Variants in ANO4 observed in about 807,000 individuals in gnomAD.
ANO4 encodes anoctamin 4.
In ANO4, 69 loss-of-function variants were observed where a neutral mutation model predicts 141.9. The ratio of observed to expected loss-of-function variants is 0.49; its 90% CI spans 0.40 to 0.59. ANO4 has a LOEUF of 0.59. ANO4 is among the 20% of genes least tolerant of loss of function. The pLI, the probability that ANO4 is intolerant of heterozygous loss-of-function variation, is 0.00. For synonymous variants in ANO4, 350 were observed against 394.3 expected, an observed-to-expected ratio of 0.89 and a Z score of 1.33; for missense variants, 894 against 1,162.2, an observed-to-expected ratio of 0.77 and a Z score of 3.36.
chr12:101,078,403 G>A (rs1470722353), intron 14 of ANO4, among the ~76,000 whole-genome samples: 6 of 152,074 alleles, frequency 3.9e-5, no homozygotes, highest in Non-Finnish European at 7.4e-5. Flanking sequence ...CAGCAGGAGT[G>A]TGTCTTATTT....
intron 3 of ANO4, among the ~76,000 whole-genome samples, chr12:100,755,550 T>C (rs1315767931): frequency 6.6e-6 from 1 of 152,242 alleles, no homozygotes; most frequent in Non-Finnish European, 1.5e-5. Context: ...ATGACTTGAT[T>C]ATTTAAGTCT....
At chr12:100,942,314 A>G (rs1335892848) in intron 4 of ANO4, 63 bp from the exon 5 acceptor site, 7 of 1,550,818 alleles carry the variant, frequency 4.5e-6, no homozygotes, top group Non-Finnish European at 6.1e-6. Context: ...GTTCTTTAAC[A>G]TTACTCACTT....
chr12:100,929,406 A>G (rs1225160340), intron 3 of ANO4, among the ~76,000 whole-genome samples: 4 of 152,130 alleles, frequency 2.6e-5, no homozygotes, highest in Non-Finnish European at 5.9e-5. Context: ...ACTTAACATA[A>G]TGACCTCCAG....
At chr12:100,856,335 G>A (rs1052267317) in intron 1 of ANO4, among the ~76,000 whole-genome samples, 3 of 152,076 alleles carry the variant, frequency 2.0e-5, no homozygotes, top group East Asian at 3.9e-4. Flanking sequence ...CAATTTCTAC[G>A]GAAATTAAGA....
intron 3 of ANO4, among the ~76,000 whole-genome samples, chr12:100,753,826 T>G (rs2032491425): frequency 6.6e-6 from 1 of 152,238 alleles, no homozygotes; most frequent in South Asian, 2.1e-4. Context: ...ACTTTTCCCC[T>G]AATATTTAGC....
intron 8 of ANO4, 61 bp downstream of exon 8, chr12:100,987,731 C>T (rs116981635): frequency 5.0e-6 from 8 of 1,586,682 alleles, no homozygotes; most frequent in Non-Finnish European, 6.0e-6. Context: ...TAGAGCCTCA[C>T]CCTGCACGCC....
chr12:101,079,106 G>A (rs930303454), intron 14 of ANO4, 87 bp from the exon 15 acceptor site: 8 of 1,127,550 alleles, frequency 7.1e-6, no homozygotes, highest in East Asian at 2.4e-5. Flanking sequence ...GTCATTCTTG[G>A]CAATGGCTTC....
At chr12:100,752,958 A>G (rs1435653296) in intron 3 of ANO4, among the ~76,000 whole-genome samples, 1 of 152,186 alleles carries the variant, frequency 6.6e-6, no homozygotes, top group Non-Finnish European at 1.5e-5. Context: ...CTCACTCAGT[A>G]TCTTGGAGTT....
At chr12:101,095,294 G>GA (rs11463981) in intron 18 of ANO4, among the ~76,000 whole-genome samples, 78,240 of 152,058 alleles carry the variant, frequency 0.51, 22,764 homozygotes, top group African/African-American at 0.81. Context: ...CAAAAAGATA[G>GA]AAGAGGTTTA....
At chr12:100,834,766 A>G (rs1418249222) in intron 1 of ANO4, among the ~76,000 whole-genome samples, 1 of 152,150 alleles carries the variant, frequency 6.6e-6, no homozygotes, top group African/African-American at 2.4e-5. Context: ...AGTTTTAAAA[A>G]GTGATTGGAG....
intron 26 of ANO4, among the ~76,000 whole-genome samples, chr12:101,124,630 T>C (rs1230505647): frequency 6.6e-6 from 1 of 152,234 alleles, no homozygotes; most frequent in African/African-American, 2.4e-5. Context: ...TTAATCCATC[T>C]TGAGTTAATT....
At position 101,064,418 on chromosome 12, in the gene ANO4, A is replaced by C; in HGVS notation, c.1313-14775A>C. ...TACTGAGAAATGTTTTATGACCCAC[A>C]GTATGATATCTTGGAAAATGTTCCA... On this transcript the variant is annotated intron_variant, in intron 14 of 27. Transcript: ENST00000392977. Among the ~76,000 whole-genome samples the C allele has an allele frequency of 2.6e-5, 4 of 152,308 alleles. 1 individual carries two copies. The highest frequency in any genetic ancestry group is 2.6e-4 in the Admixed American group (4 of 15,288).
intron 17 of ANO4, among the ~76,000 whole-genome samples, chr12:101,090,942 T>C (rs557466884): frequency 6.6e-6 from 1 of 152,180 alleles, no homozygotes; most frequent in Non-Finnish European, 1.5e-5. Context: ...GACGGGAGCA[T>C]AGGGAGTGGC....
At chr12:101,040,874 A>G (rs1350363169) in intron 11 of ANO4, among the ~76,000 whole-genome samples, 4 of 150,886 alleles carry the variant, frequency 2.7e-5, no homozygotes, top group African/African-American at 9.8e-5. Context: ...TGATCTTATG[A>G]TAGTTTGCCG....
At chr12:100,865,663 C>T (rs1255588038) in intron 1 of ANO4, among the ~76,000 whole-genome samples, 1 of 152,094 alleles carries the variant, frequency 6.6e-6, no homozygotes, top group Admixed American at 6.6e-5. Flanking sequence ...ACAAAATTTG[C>T]ATTTTATTTT....
intron 1 of ANO4, among the ~76,000 whole-genome samples, chr12:100,813,260 A>G (rs2035549883): frequency 6.6e-6 from 1 of 152,184 alleles, no homozygotes; most frequent in African/African-American, 2.4e-5. Flanking sequence ...AGGATTATGC[A>G]TAGAAAATTG....
chr12:100,727,399 C>G (rs1384423693), intron 1 of ANO4, among the ~76,000 whole-genome samples: 1 of 152,132 alleles, frequency 6.6e-6, no homozygotes, highest in African/African-American at 2.4e-5. Flanking sequence ...TAATTGAACC[C>G]TGAACCTTTC....
intron 14 of ANO4, among the ~76,000 whole-genome samples, chr12:101,054,811 A>G (rs781607384): frequency 1.3e-5 from 2 of 150,136 alleles, no homozygotes; most frequent in Non-Finnish European, 2.9e-5. Context: ...TATCCTCTCA[A>G]AAGTTTCCTC....
At chr12:101,074,335 T>TTCACGGTC (rs2048941125) in intron 14 of ANO4, among the ~76,000 whole-genome samples, 1 of 152,188 alleles carries the variant, frequency 6.6e-6, no homozygotes, top group Admixed American at 6.5e-5. Context: ...TGTCATCACT[T>TTCACGGTC]TCACGGTCTC....
Sources: gnomAD v4.1 joint callset for allele counts (sites outside exome capture counted in the v4.1 genomes callset) on GRCh38, gnomAD v4.1.1 for gene constraint, MANE v1.5 for transcripts, NCBI Gene and HGNC (gene_info 2026-07-23, HGNC 2026-07-21) for gene names.